SEC61A1: variants seen among roughly 807,000 people sequenced by gnomAD.
The protein encoded by SEC61A1 is protein transport protein Sec61 subunit alpha isoform 1.
Under a neutral mutation model 55.2 loss-of-function variants are expected in SEC61A1, and 15 were observed. The ratio of observed to expected loss-of-function variants is 0.27; its 90% CI spans 0.18 to 0.42. SEC61A1 has a LOEUF of 0.42. SEC61A1 is among the 10% of genes least tolerant of loss of function. The probability of loss-of-function intolerance (pLI) is 1.00; values close to 1 mark genes in which losing one functional copy is unlikely to be tolerated. For synonymous variants in SEC61A1, 247 were observed against 234.0 expected (o/e 1.06, Z -0.51); for missense variants, 284 against 602.6 (o/e 0.47, Z 5.53).
chr3:128,051,775 A>G (rs1941676293), upstream of SEC61A1: 1 of 1,521,044 alleles, frequency 6.6e-7, no homozygotes, highest in Non-Finnish European at 8.8e-7. Context: ...GAGGCAGACT[A>G]CTTCCCGAGC....
chr3:128,065,184 G>A (rs1941927176), intron 8 of SEC61A1, 147 bp downstream of exon 8: 1 of 913,530 alleles, frequency 1.1e-6, no homozygotes, highest in African/African-American at 1.6e-5. Context: ...CAGGTTTCCA[G>A]ATGAGCTGGA....
chr3:128,062,160 A>G (rs1941861776), intron 7 of SEC61A1, among the ~76,000 whole-genome samples: 1 of 152,218 alleles, frequency 6.6e-6, no homozygotes, highest in Admixed American at 6.5e-5. Context: ...CCTTGAAGTC[A>G]GTGTGTCTAC....
At chr3:128,053,489 G>C (rs955022091) in intron 2 of SEC61A1, among the ~76,000 whole-genome samples, 6 of 152,166 alleles carry the variant, frequency 3.9e-5, no homozygotes, top group African/African-American at 1.2e-4. Context: ...AGTGAGTGTT[G>C]CCAGTGTAAC....
intron 2 of SEC61A1, among the ~76,000 whole-genome samples, chr3:128,053,972 T>C (rs74751409): frequency 6.6e-6 from 1 of 152,324 alleles, no homozygotes; most frequent in African/African-American, 2.4e-5. Flanking sequence ...AAAAGGAGTA[T>C]ATAGTTTGCA....
In SEC61A1 at chr3:128,069,708, G is replaced by A. The variant is rs756025949; in HGVS notation, c.*46G>A. 40 of 1,557,814 alleles carry A rather than the reference G, an allele frequency of 2.6e-5. No homozygotes were observed. Among genetic ancestry groups the A allele is most frequent in the South Asian group, 1.6e-4 (14 of 89,244 alleles). On this transcript the variant is annotated 3_prime_UTR_variant, in exon 12 of 12. Transcript: ENST00000243253. Reference sequence around the variant, plus strand: ...GAGGAAGCTGCTCCAGAAGCGCCTCGGAAGGGGAGCTCTCATCATGGCGCG... The same window carrying A: ...GAGGAAGCTGCTCCAGAAGCGCCTCAGAAGGGGAGCTCTCATCATGGCGCG...
chr3:128,058,406 C>T (rs1005416535), intron 5 of SEC61A1, among the ~76,000 whole-genome samples: 1 of 152,008 alleles, frequency 6.6e-6, no homozygotes, highest in Admixed American at 6.6e-5. Flanking sequence ...GACGGGGTTT[C>T]ACTGTGTTAG....
chr3:128,060,082 C>G lies in SEC61A1; in HGVS notation c.353-20C>G. On this transcript the variant is annotated intron_variant, in intron 5 of 11. Transcript: ENST00000243253. ...TGTGTAGTGACCCACTTGGAAAACA[C>G]TTCTTTCTTTCAATTCTAGTATTTG... is the stretch of plus-strand genomic sequence containing the variant. 2 of 1,577,738 alleles carry G rather than the reference C, an allele frequency of 1.3e-6. No homozygotes were observed. The highest frequency in any genetic ancestry group is 1.7e-6 in the Non-Finnish European group (2 of 1,147,424).
chr3:128,063,823 C>A (rs936444207), intron 7 of SEC61A1, among the ~76,000 whole-genome samples: 1 of 152,092 alleles, frequency 6.6e-6, no homozygotes, highest in Admixed American at 6.6e-5. Flanking sequence ...TTCTTTTTTT[C>A]GCTTTTTAGT....
In SEC61A1 at chr3:128,067,510, A is replaced by C. The variant is rs760362512; in HGVS notation, c.1065A>C (p.Leu355Phe). 6.2e-7 allele frequency: 1 copy of C among 1,614,130 alleles called. No homozygotes were observed. The highest frequency in any genetic ancestry group is 1.1e-5 in the South Asian group (1 of 91,086). ...LSPPESFGSV[L>F]EDPVHAVVYI... ...CTCCAGAATCTTTTGGCTCCGTGTT[A>C]GAAGACCCGGTCCATGCAGTTGTAT... is the stretch of plus-strand genomic sequence containing the variant. The change falls in exon 10 of 12, where the codon TTA becomes TTC. Residue 355 changes from leucine (L) to phenylalanine (F), a missense_variant. Transcript: ENST00000243253. This position sits in a 1 kb window ranked among gnomAD's most constrained non-coding sequence, Gnocchi z 4.1.
In SEC61A1 at chr3:128,052,449, G is replaced by C. The variant is rs958697059; in HGVS notation, c.-104G>C. The C allele has an allele frequency of 4.2e-5, 61 of 1,439,576 alleles. No homozygotes were observed. Among genetic ancestry groups the C allele is most frequent in the Non-Finnish European group, 5.2e-5 (57 of 1,093,896 alleles). 89.2% of individuals were successfully genotyped at this position (1,439,576 alleles called of 1,614,324 possible). ...CCGGGCTAGCACTGACGTGTCTCTCGGCGGAGCTGCTGTGCAGTGGAACGC... is the reference window on the plus strand; with the variant it reads ...CCGGGCTAGCACTGACGTGTCTCTCCGCGGAGCTGCTGTGCAGTGGAACGC... On this transcript the variant is annotated 5_prime_UTR_variant, in exon 1 of 12. Coordinates refer to ENST00000243253, the MANE Select transcript of SEC61A1 (RefSeq NM_013336.4).
At chr3:128,057,306 G>A (rs992967798) in intron 5 of SEC61A1, among the ~76,000 whole-genome samples, 4 of 152,220 alleles carry the variant, frequency 2.6e-5, no homozygotes, top group Admixed American at 2.0e-4. Flanking sequence ...CTGTGTTAGC[G>A]TGAGAGAGCA....
At chr3:128,064,780 A>G in intron 7 of SEC61A1, 97 bp from the exon 8 acceptor site, 1 of 1,088,482 alleles carries the variant, frequency 9.2e-7, no homozygotes, top group Middle Eastern at 3.0e-4. Flanking sequence ...TAATAACTTA[A>G]GTTTGTTTTC....
At chr3:128,052,759 A>C (rs1941709092) in intron 1 of SEC61A1, 76 bp from the exon 2 acceptor site, 2 of 1,520,864 alleles carry the variant, frequency 1.3e-6, no homozygotes, top group South Asian at 1.1e-5. Flanking sequence ...CGTCGTGGGC[A>C]GAAGGCGTCC....
intron 5 of SEC61A1, among the ~76,000 whole-genome samples, chr3:128,059,318 A>G (rs1016273077): frequency 5.3e-5 from 8 of 152,124 alleles, no homozygotes; most frequent in African/African-American, 1.9e-4. Flanking sequence ...CTAAAAATAC[A>G]AAAAATTAGC....
chr3:128,055,805 C>T, intron 4 of SEC61A1, 54 bp downstream of exon 4: 5 of 1,399,080 alleles, frequency 3.6e-6, no homozygotes, highest in Non-Finnish European at 5.1e-6. Flanking sequence ...CCTAGCTTCA[C>T]TTAGTTAAAT....
rs1032057679 is a variant in SEC61A1, at chr3:128,056,949, T to A, written c.352+109T>A. 13 of 860,810 alleles carry A rather than the reference T, an allele frequency of 1.5e-5. No homozygotes were observed. The African/African-American group carries it at 2.0e-4, about 13-fold the overall frequency. 53.3% of individuals were successfully genotyped at this position (860,810 alleles called of 1,614,324 possible). A position where few individuals can be genotyped will look rare whatever the true frequency, so the allele number is the denominator to read the frequency against. On this transcript the variant is annotated intron_variant, in intron 5 of 11. Coordinates refer to ENST00000243253, the MANE Select transcript of SEC61A1 (RefSeq NM_013336.4). ...TTATTTATTTTTTATTTTTTTTTTT[T>A]TTTTTGAGATGGAGTCTTACTCTGT...
chr3:128,059,884 TA>T, intron 5 of SEC61A1, among the ~76,000 whole-genome samples: 1 of 152,202 alleles, frequency 6.6e-6, no homozygotes, highest in East Asian at 1.9e-4. Flanking sequence ...AAGGTAAAAC[TA>T]AAGAAGAAGT....
chr3:128,052,800 TC>T (rs1406017085), intron 1 of SEC61A1, 34 bp from the exon 2 acceptor site: 2 of 1,591,952 alleles, frequency 1.3e-6, no homozygotes, highest in Admixed American at 3.3e-5. Flanking sequence ...CTTCTCTGTG[TC>T]CCAACTCTTC....
intron 11 of SEC61A1, among the ~76,000 whole-genome samples, 199 bp downstream of exon 11, chr3:128,068,258 C>T (rs941212806): frequency 6.6e-6 from 1 of 152,216 alleles, no homozygotes; most frequent in African/African-American, 2.4e-5. Flanking sequence ...CACTTACAGC[C>T]CCTTTCCTCC....
Sources: allele counts gnomAD v4.1 joint callset (sites outside exome capture counted in the v4.1 genomes callset), GRCh38; gene constraint gnomAD v4.1.1; non-coding constraint Gnocchi (gnomAD v3.1); transcripts MANE v1.5; gene names NCBI Gene and HGNC (gene_info 2026-07-23, HGNC 2026-07-21).